The following VASH2 variants were observed in gnomAD, a reference collection of about 807,000 sequenced individuals.
VASH2 encodes tubulinyl-Tyr carboxypeptidase 2.
VASH2 carries 28 observed loss-of-function variants against 37.2 expected under a neutral mutation model. The ratio of observed to expected loss-of-function variants is 0.75; its 90% CI spans 0.56 to 1.03. VASH2 has a LOEUF of 1.03. Ranked by LOEUF, VASH2 falls within the 50% of genes least tolerant of loss-of-function variation. VASH2 has a pLI of 0.00. For synonymous variants in VASH2, 188 were observed against 174.7 expected (o/e 1.08, Z -0.60); for missense variants, 419 against 459.1 (o/e 0.91, Z 0.80).
At chr1:212,959,649 G>A (rs897679317) in intron 2 of VASH2, among the ~76,000 whole-genome samples, 4 of 152,242 alleles carry the variant, frequency 2.6e-5, no homozygotes, top group Non-Finnish European at 5.9e-5. Flanking sequence ...GAAAGACCCC[G>A]ATGCCCAGGC....
intron 7 of VASH2, among the ~76,000 whole-genome samples, chr1:212,979,871 T>C (rs1261282536): frequency 6.6e-6 from 1 of 152,170 alleles, no homozygotes; most frequent in Non-Finnish European, 1.5e-5. Context: ...TTGAGATTCA[T>C]GTTTCAAAGG....
At chr1:212,974,362 G>A (rs963390678) in intron 7 of VASH2, among the ~76,000 whole-genome samples, 5 of 152,146 alleles carry the variant, frequency 3.3e-5, no homozygotes, top group Non-Finnish European at 5.9e-5. Context: ...CTTGGACTTA[G>A]AATTAGGAAA....
At position 212,985,198 on chromosome 1, in the gene VASH2, C is replaced by CTT. The variant is rs55804989; in HGVS notation, c.996-3292_996-3291dup. Among the ~76,000 whole-genome samples the CTT allele has an allele frequency of 9.0e-3, 909 of 100,724 alleles. 15 individuals carry two copies. Among genetic ancestry groups the CTT allele is most frequent in the East Asian group, 0.045 (166 of 3,660 alleles). 66.1% of individuals were successfully genotyped at this position (100,724 alleles called of 152,430 possible). On this transcript the variant is annotated intron_variant, in intron 7 of 7. Transcript: ENST00000517399. ...CACCATGTCTGGCTAATTTTTTTTG[C>CTT]TTTTTTTTTTTTTTTTTTTTTTTGT...
chr1:212,969,945 T>G (rs1380258061), intron 5 of VASH2, among the ~76,000 whole-genome samples: 1 of 152,208 alleles, frequency 6.6e-6, no homozygotes, highest in African/African-American at 2.4e-5. Flanking sequence ...CTTCTTTTTA[T>G]CTTGCTTGAG....
Position 212,989,749 on chromosome 1 carries a change from A to G in VASH2, c.*1165A>G, listed in dbSNP as rs540498761. On this transcript the variant is annotated 3_prime_UTR_variant, in exon 8 of 8. Transcript: ENST00000517399. Reference sequence around the variant, plus strand: ...AGCAGCACTTTTTTTTTAATGGAAAAGTCTTCGGTCCAGTGTTACACCTTA... The same window carrying G: ...AGCAGCACTTTTTTTTTAATGGAAAGGTCTTCGGTCCAGTGTTACACCTTA... 2 of 152,270 alleles carry G rather than the reference A, an allele frequency of 1.3e-5. No homozygotes were observed. Among genetic ancestry groups the G allele is most frequent in the East Asian group, 3.9e-4 (2 of 5,194 alleles). The allele number at this position is 152,270 out of a possible 1,614,324, so 9.4% of individuals were successfully genotyped here.
At chr1:212,975,971 T>G (rs1429961832) in intron 7 of VASH2, among the ~76,000 whole-genome samples, 1 of 152,202 alleles carries the variant, frequency 6.6e-6, no homozygotes, top group Non-Finnish European at 1.5e-5. Context: ...GGACTTTGCA[T>G]TCACAGGGCC....
intron 2 of VASH2, among the ~76,000 whole-genome samples, chr1:212,954,757 CT>C (rs1280193929): frequency 6.6e-6 from 1 of 152,182 alleles, no homozygotes; most frequent in Non-Finnish European, 1.5e-5. Context: ...TCATATTGTA[CT>C]TTTCATAGTA....
chr1:212,982,531 G>A (rs957050014), intron 7 of VASH2, among the ~76,000 whole-genome samples: 1 of 152,234 alleles, frequency 6.6e-6, no homozygotes, highest in Non-Finnish European at 1.5e-5. Context: ...ATTAGAGCTG[G>A]GGGAGCACTT....
At chr1:212,964,057 G>T (rs1207473074) in intron 3 of VASH2, among the ~76,000 whole-genome samples, 2 of 152,130 alleles carry the variant, frequency 1.3e-5, no homozygotes, top group South Asian at 2.1e-4. Context: ...TAATGCCCAG[G>T]TCAGTAACTC....
intron 7 of VASH2, among the ~76,000 whole-genome samples, chr1:212,985,684 T>C (rs549924412): frequency 4.9e-4 from 74 of 152,314 alleles, no homozygotes; most frequent in African/African-American, 1.8e-3. Context: ...CCCAAAGTGC[T>C]TGGATTACAG....
rs201256499 is a variant in VASH2, at chr1:212,967,132, G to A, written c.497+787G>A. ...TTGACAGAACCCACAGCTAAAACAA[G>A]GGTCTAGCTTCTCCCACACTTTCTG... On this transcript the variant is annotated intron_variant, in intron 5 of 7. Transcript: ENST00000517399. 5 of 1,304,414 alleles carry A rather than the reference G, an allele frequency of 3.8e-6. No homozygotes were observed. The African/African-American group carries it at 7.6e-5, about 20-fold the overall frequency. The allele number at this position is 1,304,414 out of a possible 1,614,324, so 80.8% of individuals were successfully genotyped here. A position where few individuals can be genotyped will look rare whatever the true frequency, so the allele number is the denominator to read the frequency against.
chr1:212,960,878 C>G (rs1332331860), intron 2 of VASH2, among the ~76,000 whole-genome samples: 1 of 152,186 alleles, frequency 6.6e-6, no homozygotes, highest in Non-Finnish European at 1.5e-5. Flanking sequence ...AGGCATTAGC[C>G]TTCTGCAGGG....
intron 5 of VASH2, chr1:212,969,113 GA>G: frequency 9.1e-6 from 9 of 985,380 alleles, no homozygotes; most frequent in Non-Finnish European, 1.1e-5. Context: ...CAGGAAGGTG[GA>G]GAGCTTCAGT....
chr1:212,962,624 A>G (rs966351230), intron 3 of VASH2, among the ~76,000 whole-genome samples: 3 of 152,176 alleles, frequency 2.0e-5, no homozygotes, highest in East Asian at 1.9e-4. Flanking sequence ...ATCGGAAAAC[A>G]CCAATTTCTG....
intron 7 of VASH2, among the ~76,000 whole-genome samples, chr1:212,980,355 A>T (rs1467367391): frequency 6.6e-6 from 1 of 152,052 alleles, no homozygotes; most frequent in Non-Finnish European, 1.5e-5. Context: ...GAACCTCTTC[A>T]TCTTCTCTCC....
At chr1:212,988,307 C>G (rs539641946) in intron 7 of VASH2, among the ~76,000 whole-genome samples, 1 of 152,230 alleles carries the variant, frequency 6.6e-6, no homozygotes, top group East Asian at 1.9e-4. Context: ...CATTGAAAGT[C>G]TGTTAAAATG....
Position 212,961,225 on chromosome 1 carries a change from G to C in VASH2, c.336G>C (p.Gln112His). 6.2e-7 allele frequency: 1 copy of C among 1,614,228 alleles called. No individual in the cohort carries two copies. The highest frequency in any genetic ancestry group is 8.5e-7 in the Non-Finnish European group (1 of 1,180,048). Residue 112 changes from glutamine to histidine, a missense_variant, in exon 3 of 8, where the codon CAG (glutamine) becomes CAC (histidine). Gln to His is a conservative substitution (Grantham distance 24, BLOSUM62 0). This residue lies in a region of VASH2 where 158 missense variants were observed against 163.0 expected (regional missense o/e 0.97). Coordinates refer to ENST00000517399, the MANE Select transcript of VASH2 (RefSeq NM_001301056.2). ...RLSMTIPDWL[Q>H]AIQNYMKTLQ... ...CGATGACGATCCCAGACTGGCTCCA[G>C]GCGATCCAGAATTACATGAAGACCC...
chr1:212,973,257 C>T (rs1278530600), intron 6 of VASH2, among the ~76,000 whole-genome samples: 1 of 152,162 alleles, frequency 6.6e-6, no homozygotes, highest in African/African-American at 2.4e-5. Context: ...ACCAGTTGTA[C>T]TAGTTTGCCT....
In VASH2 at chr1:212,972,647, AACT is replaced by A; in HGVS notation, c.569_571del (p.Tyr190del). On this transcript the variant is annotated inframe_deletion, in exon 6 of 8. Transcript: ENST00000517399. ...CAGCTTTAAAACCTACTTCTCAGGA[AACT>A]ACTTTCACCACGTTGTGCTGGGGAT... is the stretch of plus-strand genomic sequence containing the variant. 6.2e-7 allele frequency: 1 copy of A among 1,614,174 alleles called. No homozygotes were observed. Among genetic ancestry groups the A allele is most frequent in the Non-Finnish European group, 8.5e-7 (1 of 1,180,042 alleles).
Sources: gnomAD v4.1 joint callset for allele counts (sites outside exome capture counted in the v4.1 genomes callset) on GRCh38, gnomAD v4.1.1 for gene constraint, gnomAD v4.1.1 regional missense constraint, MANE v1.5 for transcripts, NCBI Gene and HGNC (gene_info 2026-07-23, HGNC 2026-07-21) for gene names.